TUBGCP3: variants seen among roughly 807,000 people sequenced by gnomAD.
TUBGCP3 encodes the protein gamma-tubulin complex component 3.
A neutral mutation model predicts 123.1 loss-of-function variants in TUBGCP3; 50 were observed. The ratio of observed to expected loss-of-function variants is 0.41; its 90% CI spans 0.32 to 0.51. The LOEUF is 0.51. TUBGCP3 is among the 20% of genes least tolerant of loss of function. The pLI is 0.36. For synonymous variants in TUBGCP3, 405 were observed against 413.9 expected, an observed-to-expected ratio of 0.98 and a Z score of 0.26; for missense variants, 882 against 1,127.0, an observed-to-expected ratio of 0.78 and a Z score of 3.11.
intron 17 of TUBGCP3, among the ~76,000 whole-genome samples, chr13:112,512,521 G>C (rs1200035014): frequency 6.6e-6 from 1 of 151,562 alleles, no homozygotes; most frequent in East Asian, 1.9e-4. Flanking sequence ...ATCACCTTAG[G>C]CCAGGAGCTT....
the TUBGCP3 span, among the ~76,000 whole-genome samples, chr13:112,601,185 TA>T: frequency 0.23 from 19,566 of 86,494 alleles, 1,648 homozygotes; most frequent in Non-Finnish European, 0.29. Context: ...AGATTCTGTC[TA>T]AAAAAAAAAA....
chr13:112,553,581 C>T (rs1322746624), intron 8 of TUBGCP3, among the ~76,000 whole-genome samples: 1 of 152,244 alleles, frequency 6.6e-6, no homozygotes, highest in Non-Finnish European at 1.5e-5. Context: ...AGTGCCCACC[C>T]AGGGCTGTCC....
chr13:112,548,893 TA>T (rs1594181053), intron 8 of TUBGCP3, among the ~76,000 whole-genome samples: 1 of 152,184 alleles, frequency 6.6e-6, no homozygotes, highest in East Asian at 1.9e-4. Context: ...GGTGGGACTG[TA>T]AACTAGTTCA....
At chr13:112,543,136 C>G (rs951060021) in intron 11 of TUBGCP3, among the ~76,000 whole-genome samples, 1 of 152,000 alleles carries the variant, frequency 6.6e-6, no homozygotes, top group Non-Finnish European at 1.5e-5. Context: ...GACAACAAAG[C>G]GAGACTCCAT....
Position 112,556,090 on chromosome 13 carries a change from C to G in TUBGCP3, c.683G>C (p.Arg228Pro), listed in dbSNP as rs200683557. ...TSKGVPSAVS[R>P]NMTRSRREGD... is the part of the protein sequence containing the mutation. ...TTCTCTCCTGGACCTTGTCATGTTG[C>G]GAGACACAGCACTGGGGACACCTTT... Residue 228 changes from arginine (R) to proline (P), a missense_variant, in exon 6 of 22, where the codon CGC becomes CCC. Transcript: ENST00000261965. 2.5e-6 allele frequency: 4 copies of G among 1,613,876 alleles called. No individual in the cohort carries two copies. In the East Asian group the frequency reaches 8.9e-5, roughly 36 times the overall value.
At chr13:112,503,327 C>T (rs150502309) in intron 19 of TUBGCP3, among the ~76,000 whole-genome samples, 131 of 152,228 alleles carry the variant, frequency 8.6e-4, no homozygotes, top group East Asian at 2.5e-3. Context: ...AGAATGTTCG[C>T]GAAAAATGTC....
Position 112,519,928 on chromosome 13 carries a change from G to A in TUBGCP3, c.1839C>T (p.Asp613=), listed in dbSNP as rs1442434130. ...CCAGCCTTCGCAGGATCTCAGGACT[G>A]TCAAACTGTGCGTTGGTGGCTCTGA... is the stretch of plus-strand genomic sequence containing the variant. ...TAVRATNAQF[D]SPEILRRLDV... The change falls in exon 15 of 22, where the codon GAC becomes GAT. Residue 613 remains aspartate, a synonymous_variant. Transcript: ENST00000261965. This position sits in a 1 kb window ranked among gnomAD's most constrained non-coding sequence, Gnocchi z 6.2. 2 of 1,613,918 alleles carry A rather than the reference G, an allele frequency of 1.2e-6. No individual in the cohort carries two copies. The highest frequency in any genetic ancestry group is 1.7e-6 in the Non-Finnish European group (2 of 1,179,890).
intron 20 of TUBGCP3, among the ~76,000 whole-genome samples, chr13:112,496,625 G>A (rs1159623965): frequency 6.6e-6 from 1 of 152,164 alleles, no homozygotes; most frequent in African/African-American, 2.4e-5. Flanking sequence ...TCACTGTGAC[G>A]GCTAACTGCC....
chr13:112,543,175 G>C (rs1419411469), intron 11 of TUBGCP3, among the ~76,000 whole-genome samples: 1 of 152,078 alleles, frequency 6.6e-6, no homozygotes, highest in Non-Finnish European at 1.5e-5. Flanking sequence ...GGCGGTCCAT[G>C]CAGGTATGCA....
At chr13:112,550,942 C>CA (rs1215018897) in intron 8 of TUBGCP3, among the ~76,000 whole-genome samples, 4 of 151,918 alleles carry the variant, frequency 2.6e-5, no homozygotes, top group East Asian at 1.9e-4. Flanking sequence ...ATTAAAAATA[C>CA]AAAAAAATTA....
At position 112,519,195 on chromosome 13, in the gene TUBGCP3, C is replaced by A. The variant is rs368851031; in HGVS notation, c.1882-152G>T. 3.0e-6 allele frequency: 2 copies of A among 656,858 alleles called. No individual in the cohort carries two copies. Among genetic ancestry groups the A allele is most frequent in the South Asian group, 1.8e-5 (1 of 54,990 alleles). 40.7% of individuals were successfully genotyped at this position (656,858 alleles called of 1,614,324 possible). On this transcript the variant is annotated intron_variant, in intron 15 of 21. Coordinates refer to ENST00000261965, the MANE Select transcript of TUBGCP3 (RefSeq NM_006322.6). The surrounding 1 kb of genome is among the most constrained non-coding windows in gnomAD (Gnocchi z 6.2). ...CTTCTTGTTAACTTCTACAACCTCA[C>A]CAATTAGGCAATAATGAGCACACAG... is the stretch of plus-strand genomic sequence containing the variant.
the TUBGCP3 span, among the ~76,000 whole-genome samples, chr13:112,600,275 A>G: frequency 3.9e-5 from 6 of 152,198 alleles, no homozygotes; most frequent in African/African-American, 1.4e-4. Context: ...ATAGGGGAAA[A>G]ATGCATTCAA....
chr13:112,486,207 G>T (rs1244194566), intron 21 of TUBGCP3, 56 bp from the exon 22 acceptor site: 3 of 1,594,486 alleles, frequency 1.9e-6, no homozygotes, highest in East Asian at 2.2e-5. Flanking sequence ...ACCCACAAAC[G>T]TATTCCCCGG....
chr13:112,489,167 A>AC (rs1555336106), intron 21 of TUBGCP3, among the ~76,000 whole-genome samples: 2 of 130,772 alleles, frequency 1.5e-5, no homozygotes, highest in African/African-American at 6.0e-5. Flanking sequence ...AGGTCCCCAC[A>AC]CCCACCACAG....
chr13:112,509,717 G>C (rs115896196), intron 17 of TUBGCP3, among the ~76,000 whole-genome samples: 1 of 152,248 alleles, frequency 6.6e-6, no homozygotes, highest in Admixed American at 6.5e-5. Context: ...AAGAAACCTC[G>C]TAAAACCATC....
In TUBGCP3 at chr13:112,504,707, G is replaced by A. The variant is rs759272130; in HGVS notation, c.2094C>T (p.Ser698=). Reference sequence around the variant, plus strand: ...AAATGTGACACTGGTGCAGCACCCCGGAGAACTCTGCAAGGGAAGAGTTGA... The same window carrying A: ...AAATGTGACACTGGTGCAGCACCCCAGAGAACTCTGCAAGGGAAGAGTTGA... ...AKLLRNMPEF[S]GVLHQCHILA... is the part of the protein sequence containing the mutation. Residue 698 remains serine, a synonymous_variant, in exon 18 of 22, where the codon TCC becomes TCT. Coordinates refer to ENST00000261965, the MANE Select transcript of TUBGCP3 (RefSeq NM_006322.6). 44 of 1,613,050 alleles carry A rather than the reference G, an allele frequency of 2.7e-5. No homozygotes were observed. The highest frequency in any genetic ancestry group is 3.3e-4 in the Middle Eastern group (2 of 6,082).
intron 11 of TUBGCP3, among the ~76,000 whole-genome samples, chr13:112,537,007 G>A (rs184365434): frequency 2.0e-4 from 30 of 151,968 alleles, no homozygotes; most frequent in Admixed American, 1.1e-3. Context: ...AACTCTGACC[G>A]CAAGCCGTGC....
intron 3 of TUBGCP3, among the ~76,000 whole-genome samples, chr13:112,561,500 C>T (rs1016794588): frequency 2.6e-5 from 4 of 152,186 alleles, no homozygotes; most frequent in African/African-American, 4.8e-5. Flanking sequence ...GACTCCAAAA[C>T]GGACAAACGA....
intron 11 of TUBGCP3, among the ~76,000 whole-genome samples, chr13:112,533,257 C>T (rs1182697765): frequency 6.6e-6 from 1 of 152,218 alleles, no homozygotes; most frequent in Non-Finnish European, 1.5e-5. Flanking sequence ...ACCGCGTCAC[C>T]ATTCAGCAGG....
Sources: allele counts gnomAD v4.1 joint callset (sites outside exome capture counted in the v4.1 genomes callset), GRCh38; gene constraint gnomAD v4.1.1; non-coding constraint Gnocchi (gnomAD v3.1); transcripts MANE v1.5; gene names NCBI Gene and HGNC (gene_info 2026-07-23, HGNC 2026-07-21).